Variants in SUPT3H observed in about 807,000 individuals in gnomAD.
SUPT3H encodes the protein SPT3 homolog, SAGA and STAGA complex component.
Under a neutral mutation model 44.3 loss-of-function variants are expected in SUPT3H, and 44 were observed. That is an observed-to-expected ratio of 0.99 (90% CI 0.78 to 1.28). The LOEUF (loss-of-function observed/expected upper bound fraction) is 1.28, where lower values mean the gene tolerates loss of function less well. SUPT3H is among the 50% of genes most tolerant of loss of function. The pLI is 0.00. For missense variants in SUPT3H, 380 were observed against 387.1 expected (o/e 0.98, Z 0.15); for synonymous variants, 124 against 125.6 (o/e 0.99, Z 0.09).
intron 3 of SUPT3H, among the ~76,000 whole-genome samples, chr6:45,082,570 A>G (rs1244770323): frequency 6.6e-6 from 1 of 152,204 alleles, no homozygotes; most frequent in South Asian, 2.1e-4. Context: ...ACAGACACAG[A>G]AAGAGCTCTC....
At chr6:44,854,563 C>G (rs1297748357) in intron 10 of SUPT3H, among the ~76,000 whole-genome samples, 1 of 152,078 alleles carries the variant, frequency 6.6e-6, no homozygotes, top group Non-Finnish European at 1.5e-5. Flanking sequence ...TCTCCTTTTT[C>G]CCATTCTATA....
intron 10 of SUPT3H, among the ~76,000 whole-genome samples, chr6:44,914,887 G>C (rs1285086523): frequency 3.9e-5 from 6 of 152,234 alleles, no homozygotes; most frequent in African/African-American, 1.4e-4. Flanking sequence ...CAGGAAATAC[G>C]ATGTATCTTG....
chr6:45,245,574 A>G (rs1286090896), intron 2 of SUPT3H, among the ~76,000 whole-genome samples: 1 of 152,152 alleles, frequency 6.6e-6, no homozygotes, highest in Admixed American at 6.5e-5. Flanking sequence ...CACTTAGCCT[A>G]ATGTTTTCTA....
At chr6:45,116,002 G>A (rs1379551017) in intron 2 of SUPT3H, among the ~76,000 whole-genome samples, 2 of 152,034 alleles carry the variant, frequency 1.3e-5, no homozygotes, top group African/African-American at 4.8e-5. Flanking sequence ...TCCAGAACAC[G>A]ACCAATCCCT....
At chr6:45,127,783 T>C (rs747628059) in intron 2 of SUPT3H, among the ~76,000 whole-genome samples, 6 of 152,168 alleles carry the variant, frequency 3.9e-5, no homozygotes, top group Admixed American at 2.6e-4. Flanking sequence ...CTTCTTAAGG[T>C]AGAGGAAATA....
In SUPT3H at chr6:45,061,798, G is replaced by A. The variant is rs552485133; in HGVS notation, c.187-41166C>T. On this transcript the variant is annotated intron_variant, in intron 3 of 10. Transcript: ENST00000371459. ...TTATGAATAACATAATTCTAGTCAT[G>A]ATATCTTTGAAAATGATACCATTGT... Among the ~76,000 whole-genome samples, 13 of 150,728 alleles carry A rather than the reference G, an allele frequency of 8.6e-5. No homozygotes were observed. The East Asian group carries it at 2.5e-3, about 30-fold the overall frequency.
At chr6:45,101,035 T>C (rs192069131) in intron 3 of SUPT3H, among the ~76,000 whole-genome samples, 48 of 152,314 alleles carry the variant, frequency 3.2e-4, no homozygotes, top group Admixed American at 3.9e-4. Flanking sequence ...AATTCTGTCA[T>C]TTGTGGCAAC....
rs1228793828 is a variant in SUPT3H, at chr6:45,003,774, T to C, written c.383A>G (p.Asn128Ser). 8 of 1,613,766 alleles carry C rather than the reference T, an allele frequency of 5.0e-6. No individual in the cohort carries two copies. The highest frequency in any genetic ancestry group is 1.7e-4 in the Middle Eastern group (1 of 6,060). ...DLLEDKLSGS[N>S]NANKRQKIAQ... Reference sequence around the variant, plus strand: ...AATCTTTTGTCTTTTGTTCGCATTATTGCTGCCACTCAATTTGTCTTCATG... The same window carrying C: ...AATCTTTTGTCTTTTGTTCGCATTACTGCTGCCACTCAATTTGTCTTCATG... Residue 128 changes from asparagine to serine, a missense_variant, in exon 6 of 11, where the codon AAT becomes AGT. Physicochemically the swap from Asn to Ser is conservative, Grantham distance 46 (BLOSUM62 1). Transcript: ENST00000371459.
chr6:45,158,914 C>G lies in SUPT3H; in HGVS notation c.102-52908G>C, dbSNP rs183995846. 5.7e-4 allele frequency: 87 copies of G among 152,182 alleles called. 1 individual carries two copies. The highest frequency in any genetic ancestry group is 5.0e-3 in the Admixed American group (76 of 15,278). 9.4% of individuals were successfully genotyped at this position (152,182 alleles called of 1,614,324 possible). A position where few individuals can be genotyped will look rare whatever the true frequency, so the allele number is the denominator to read the frequency against. On this transcript the variant is annotated intron_variant, in intron 2 of 10. Coordinates refer to ENST00000371459, the MANE Select transcript of SUPT3H (RefSeq NM_003599.4). ...TCATCAGAAAGTGTGGTTACAAGAT[C>G]AAAAAAATCAGAGCAAAAGGACTCA...
intron 3 of SUPT3H, among the ~76,000 whole-genome samples, chr6:45,062,754 G>A (rs1027880667): frequency 1.3e-5 from 2 of 152,054 alleles, no homozygotes; most frequent in Non-Finnish European, 2.9e-5. Flanking sequence ...TTTTCACACC[G>A]GCTTAAAAAG....
intron 2 of SUPT3H, among the ~76,000 whole-genome samples, chr6:45,207,022 T>C (rs1763316524): frequency 6.6e-6 from 1 of 152,134 alleles, no homozygotes; most frequent in African/African-American, 2.4e-5. Context: ...ACCACAGGAC[T>C]GGATGAGATC....
intron 6 of SUPT3H, among the ~76,000 whole-genome samples, chr6:44,986,011 G>A (rs561956585): frequency 2.0e-4 from 31 of 152,206 alleles, no homozygotes; most frequent in African/African-American, 7.5e-4. Flanking sequence ...GAGGGTTCAC[G>A]TTTGTAAACC....
In SUPT3H at chr6:45,377,818, T is replaced by C. The variant is rs2150338243; in HGVS notation, c.-51A>G. The C allele has an allele frequency of 6.5e-6, 1 of 153,312 alleles. No homozygotes were observed. The highest frequency in any genetic ancestry group is 6.5e-5 in the Admixed American group (1 of 15,292). The allele number at this position is 153,312 out of a possible 1,614,324, so 9.5% of individuals were successfully genotyped here. A position where few individuals can be genotyped will look rare whatever the true frequency, so the allele number is the denominator to read the frequency against. On this transcript the variant is annotated 5_prime_UTR_variant, in exon 1 of 11. Coordinates refer to ENST00000371459, the MANE Select transcript of SUPT3H (RefSeq NM_003599.4). ...ACTGCTGCGCTTCCCGCGAGGAGAA[T>C]GTGGGGGTGGAGATGGTGCGGTTTC... is the stretch of plus-strand genomic sequence containing the variant.
intron 2 of SUPT3H, among the ~76,000 whole-genome samples, chr6:45,246,452 G>GT (rs1423876452): frequency 2.6e-5 from 4 of 151,960 alleles, no homozygotes; most frequent in Admixed American, 2.0e-4. Context: ...AACCATCATC[G>GT]TAACAGGAAG....
At position 45,132,951 on chromosome 6, in the gene SUPT3H, GGTCT is replaced by G. The variant is rs57232442; in HGVS notation, c.102-26949_102-26946del. On this transcript the variant is annotated intron_variant, in intron 2 of 10. Transcript: ENST00000371459. ...CAAAAGTAGTAAGTGTTTGAATCTA[GGTCT>G]GTCTGAGTACACATCCTGAACTCTT... is the stretch of plus-strand genomic sequence containing the variant. Among the ~76,000 whole-genome samples, 1,495 of 152,226 alleles carry G rather than the reference GGTCT, an allele frequency of 9.8e-3. 31 individuals carry two copies. Among genetic ancestry groups the G allele is most frequent in the African/African-American group, 0.034 (1,404 of 41,540 alleles).
chr6:45,000,555 C>A (rs572661203), intron 6 of SUPT3H, among the ~76,000 whole-genome samples: 5 of 152,162 alleles, frequency 3.3e-5, no homozygotes, highest in African/African-American at 9.6e-5. Context: ...TATCTGATTT[C>A]TCTTATTATT....
Position 45,095,031 on chromosome 6 carries a change from G to T in SUPT3H, c.186+10891C>A, listed in dbSNP as rs1797614756. Among the ~76,000 whole-genome samples, 1 of 152,044 alleles carries T rather than the reference G, an allele frequency of 6.6e-6. No homozygotes were observed. The highest frequency in any genetic ancestry group is 2.4e-5 in the African/African-American group (1 of 41,426). On this transcript the variant is annotated intron_variant, in intron 3 of 10. Transcript: ENST00000371459. The surrounding 1 kb of genome is among the most constrained non-coding windows in gnomAD (Gnocchi z 4.1). ...TTACTCCACAGTAGCAGACAGAAAG[G>T]CCGAGAATTTTTTCCCAGATGGTAT...
chr6:45,029,302 T>C (rs1479987523), intron 3 of SUPT3H, among the ~76,000 whole-genome samples: 2 of 150,960 alleles, frequency 1.3e-5, no homozygotes. Flanking sequence ...AAAAAATTCA[T>C]TCATATATAC....
At chr6:45,033,048 T>C (rs115214477) in intron 3 of SUPT3H, among the ~76,000 whole-genome samples, 10 of 152,124 alleles carry the variant, frequency 6.6e-5, no homozygotes, top group African/African-American at 2.4e-4. Flanking sequence ...TAACTAAATA[T>C]AGAGAAGATT....
Sources: allele counts gnomAD v4.1 joint callset (sites outside exome capture counted in the v4.1 genomes callset), GRCh38; gene constraint gnomAD v4.1.1; non-coding constraint Gnocchi (gnomAD v3.1); transcripts MANE v1.5; gene names NCBI Gene and HGNC (gene_info 2026-07-23, HGNC 2026-07-21).